The following OXR1 variants were observed in gnomAD, a reference collection of about 807,000 sequenced individuals.
The protein encoded by OXR1 is oxidation resistance 1, also known as oxidation resistance protein 1.
OXR1 carries 41 observed loss-of-function variants against 104.6 expected under a neutral mutation model. The ratio of observed to expected loss-of-function variants is 0.39; its 90% CI spans 0.31 to 0.51. The LOEUF is 0.51. Ranked by LOEUF, OXR1 falls within the 20% of genes least tolerant of loss-of-function variation. OXR1 has a pLI of 0.77. For synonymous variants in OXR1, 348 were observed against 348.4 expected, an observed-to-expected ratio of 1.00 and a Z score of 0.01; for missense variants, 955 against 1,031.9, an observed-to-expected ratio of 0.93 and a Z score of 1.02.
chr8:106,369,856 C>A (rs1816633032), intron 2 of OXR1, among the ~76,000 whole-genome samples: 1 of 152,126 alleles, frequency 6.6e-6, no homozygotes, highest in African/African-American at 2.4e-5. Flanking sequence ...GTCCATTTTG[C>A]TTGGGATTGT....
At chr8:106,392,051 A>G (rs1031326134) in intron 2 of OXR1, among the ~76,000 whole-genome samples, 1 of 152,174 alleles carries the variant, frequency 6.6e-6, no homozygotes, top group African/African-American at 2.4e-5. Context: ...GTTTGAAAGA[A>G]CCAGGTGATG....
At chr8:106,578,131 A>T (rs1817986723) in intron 3 of OXR1, among the ~76,000 whole-genome samples, 3 of 152,178 alleles carry the variant, frequency 2.0e-5, no homozygotes, top group Admixed American at 2.0e-4. Context: ...TAGTATAAGT[A>T]TGTTTCCCGA....
intron 2 of OXR1, among the ~76,000 whole-genome samples, chr8:106,381,831 GA>G (rs1218868119): frequency 6.6e-6 from 1 of 152,090 alleles, no homozygotes; most frequent in East Asian, 1.9e-4. Context: ...AAATTCTCCT[GA>G]TATCCCTTAT....
chr8:106,384,546 C>G lies in OXR1; in HGVS notation c.23+24910C>G, dbSNP rs140103602. On this transcript the variant is annotated intron_variant, in intron 2 of 16. Coordinates refer to ENST00000517566, the MANE Select transcript of OXR1 (RefSeq NM_001198533.2). ...AGTCATTGGCTAAATTTGGCAGATGCTGAAAAAATGGCAGGAGGAGCTATC... is the reference window on the plus strand; with the variant it reads ...AGTCATTGGCTAAATTTGGCAGATGGTGAAAAAATGGCAGGAGGAGCTATC... Among the ~76,000 whole-genome samples, 17 of 152,102 alleles carry G rather than the reference C, an allele frequency of 1.1e-4. No individual in the cohort carries two copies. The East Asian group carries it at 2.9e-3, about 26-fold the overall frequency.
At chr8:106,338,336 G>C (rs1815046734) in intron 1 of OXR1, among the ~76,000 whole-genome samples, 1 of 152,102 alleles carries the variant, frequency 6.6e-6, no homozygotes. Flanking sequence ...AGCACTTTGG[G>C]AGGCCGGGGT....
intron 3 of OXR1, among the ~76,000 whole-genome samples, chr8:106,627,825 A>G (rs571321632): frequency 1.3e-5 from 2 of 152,196 alleles, no homozygotes; most frequent in Non-Finnish European, 2.9e-5. Context: ...AGCCTTTACC[A>G]TAGCAGGATT....
intron 3 of OXR1, among the ~76,000 whole-genome samples, chr8:106,567,014 AG>A (rs978994874): frequency 6.6e-6 from 1 of 152,180 alleles, no homozygotes; most frequent in Non-Finnish European, 1.5e-5. Context: ...TACCTAATGT[AG>A]ATGATGGTTT....
chr8:106,322,005 T>C (rs933834289), intron 1 of OXR1, among the ~76,000 whole-genome samples: 1 of 152,182 alleles, frequency 6.6e-6, no homozygotes, highest in Admixed American at 6.5e-5. Flanking sequence ...AAATAGTATA[T>C]GATGCAGAGG....
chr8:106,351,595 C>A, intron 1 of OXR1, among the ~76,000 whole-genome samples: 1 of 151,948 alleles, frequency 6.6e-6, no homozygotes, highest in Non-Finnish European at 1.5e-5. Flanking sequence ...TATTGGGGAG[C>A]AGGGGAAAGG....
intron 2 of OXR1, among the ~76,000 whole-genome samples, chr8:106,391,446 G>A (rs1817583663): frequency 6.6e-6 from 1 of 152,046 alleles, no homozygotes; most frequent in Non-Finnish European, 1.5e-5. Flanking sequence ...CCATGACCAT[G>A]ACATACACTC....
At chr8:106,384,366 C>T (rs929359901) in intron 2 of OXR1, among the ~76,000 whole-genome samples, 2 of 152,164 alleles carry the variant, frequency 1.3e-5, no homozygotes, top group East Asian at 1.9e-4. Context: ...GATCACATGA[C>T]TCGGGACAGC....
intron 2 of OXR1, among the ~76,000 whole-genome samples, chr8:106,386,183 G>A (rs182532762): frequency 2.4e-4 from 36 of 152,280 alleles, no homozygotes; most frequent in Non-Finnish European, 4.7e-4. Context: ...AAGCTAGCTA[G>A]ATTACATTCT....
intron 3 of OXR1, chr8:106,657,729 A>C: frequency 1.5e-6 from 1 of 657,966 alleles, no homozygotes; most frequent in Non-Finnish European, 2.1e-6. Flanking sequence ...GTTCTGCCTC[A>C]TTTTGCATTT....
chr8:106,381,063 T>A (rs557695180), intron 2 of OXR1, among the ~76,000 whole-genome samples: 2 of 152,312 alleles, frequency 1.3e-5, no homozygotes, highest in Non-Finnish European at 2.9e-5. Context: ...ATTGAGATTT[T>A]TGCTTGAAAT....
At chr8:106,566,806 T>C (rs1817108874) in intron 3 of OXR1, among the ~76,000 whole-genome samples, 1 of 152,194 alleles carries the variant, frequency 6.6e-6, no homozygotes, top group Non-Finnish European at 1.5e-5. Context: ...AACAATGAGT[T>C]CATGTCCTTT....
intron 3 of OXR1, among the ~76,000 whole-genome samples, chr8:106,677,260 A>T (rs1474042615): frequency 5.3e-5 from 8 of 152,160 alleles, no homozygotes; most frequent in Non-Finnish European, 1.2e-4. Flanking sequence ...ATCGAATTTT[A>T]TTTTAATACA....
chr8:106,606,448 G>A (rs184970466), intron 3 of OXR1, among the ~76,000 whole-genome samples: 573 of 149,968 alleles, frequency 3.8e-3, no homozygotes, highest in Non-Finnish European at 5.7e-3. Context: ...TTACAGGCAT[G>A]TGCCATCATG....
intron 11 of OXR1, among the ~76,000 whole-genome samples, chr8:106,724,588 C>T (rs969552236): frequency 2.0e-5 from 3 of 152,196 alleles, no homozygotes; most frequent in African/African-American, 7.2e-5. Flanking sequence ...TCTCAGACCC[C>T]ATTTGAGTCT....
intron 3 of OXR1, chr8:106,658,095 G>C: frequency 2.4e-6 from 3 of 1,248,116 alleles, no homozygotes; most frequent in Non-Finnish European, 3.0e-6. Flanking sequence ...GGTGCGCTTC[G>C]AAGATTACCT....
Sources: allele counts gnomAD v4.1 joint callset (sites outside exome capture counted in the v4.1 genomes callset), GRCh38; gene constraint gnomAD v4.1.1; transcripts MANE v1.5; gene names NCBI Gene and HGNC (gene_info 2026-07-23, HGNC 2026-07-21).